The following PRKG1 variants were observed in gnomAD, a reference collection of about 807,000 sequenced individuals.
The protein encoded by PRKG1 is cGMP-dependent protein kinase 1.
PRKG1 carries 35 observed loss-of-function variants against 88.1 expected under a neutral mutation model. The ratio of observed to expected loss-of-function variants is 0.40; its 90% confidence interval spans 0.30 to 0.53. The LOEUF is 0.53. Ranked by LOEUF, PRKG1 falls within the 20% of genes least tolerant of loss-of-function variation. The pLI, the probability that PRKG1 is intolerant of heterozygous loss-of-function variation, is 0.59. For missense variants in PRKG1, 540 were observed against 839.8 expected (o/e 0.64, Z 4.41); for synonymous variants, 303 against 292.5 (o/e 1.04, Z -0.37).
At chr10:52,077,174 G>T (rs1846650014) in intron 7 of PRKG1, among the ~76,000 whole-genome samples, 1 of 152,036 alleles carries the variant, frequency 6.6e-6, no homozygotes, top group Non-Finnish European at 1.5e-5. Flanking sequence ...ATCAATAGAT[G>T]AATAGGTAAA....
At chr10:51,385,422 T>C (rs1837225138) in intron 2 of PRKG1, among the ~76,000 whole-genome samples, 1 of 152,218 alleles carries the variant, frequency 6.6e-6, no homozygotes, top group African/African-American at 2.4e-5. Flanking sequence ...CATTTATCTA[T>C]TTTTTAAATG....
intron 1 of PRKG1, among the ~76,000 whole-genome samples, chr10:51,112,375 T>A (rs1844998942): frequency 6.6e-6 from 1 of 152,112 alleles, no homozygotes; most frequent in African/African-American, 2.4e-5. Context: ...GAATAGTATA[T>A]GCCGCTTTTT....
rs533701100 is a variant in PRKG1 at position 51,797,588 on chromosome 10, ATATC to A, written c.593-6994_593-6991del. Among the ~76,000 whole-genome samples the A allele has an allele frequency of 4.6e-3, 679 of 147,334 alleles. 5 individuals are homozygous for A. The highest frequency in any genetic ancestry group is 0.016 in the African/African-American group (637 of 40,734). On this transcript the variant is annotated intron_variant, in intron 3 of 17. Coordinates refer to ENST00000373980, the MANE Select transcript of PRKG1 (RefSeq NM_006258.4). ...TTATATTATTTTATGTTATATATAAATATCTAATATATAAATATACAAATAAAAT... is the reference window on the plus strand; with the variant it reads ...TTATATTATTTTATGTTATATATAAATAATATATAAATATACAAATAAAAT...
intron 5 of PRKG1, among the ~76,000 whole-genome samples, chr10:52,036,524 G>GGGTAA (rs1006575389): frequency 3.3e-5 from 5 of 152,030 alleles, no homozygotes; most frequent in African/African-American, 1.2e-4. Flanking sequence ...GCGTTGAGTG[G>GGGTAA]GGTAAGGGTG....
At chr10:52,080,726 C>CT (rs993338618) in intron 7 of PRKG1, among the ~76,000 whole-genome samples, 1 of 151,840 alleles carries the variant, frequency 6.6e-6, no homozygotes, top group South Asian at 2.1e-4. Flanking sequence ...TTATTTTCTC[C>CT]TTTTTTTATT....
At chr10:51,150,931 C>T (rs140736274) in intron 1 of PRKG1, among the ~76,000 whole-genome samples, 76 of 151,926 alleles carry the variant, frequency 5.0e-4, no homozygotes, top group Middle Eastern at 3.4e-3. Flanking sequence ...GTTTGGATGG[C>T]GCTAATTATA....
intron 3 of PRKG1, among the ~76,000 whole-genome samples, chr10:51,743,300 G>C (rs1837483098): frequency 6.6e-6 from 1 of 152,074 alleles, no homozygotes; most frequent in East Asian, 1.9e-4. Flanking sequence ...CAGGAACCCA[G>C]ATATGCTTTC....
intron 4 of PRKG1, among the ~76,000 whole-genome samples, chr10:51,831,816 C>T (rs1589331262): frequency 6.6e-6 from 1 of 152,182 alleles, no homozygotes; most frequent in South Asian, 2.1e-4. Context: ...AGAATTTAGT[C>T]ACCTTGTTGC....
In PRKG1 at chr10:51,419,482, TG is replaced by T. The variant is rs201119368; in HGVS notation, c.479-48237del. Reference sequence around the variant, plus strand: ...TATTGACTGACTGCCTGGATGGGATTGGGGCTAATCAATTTTTTCCTGGGAG... The same window carrying T: ...TATTGACTGACTGCCTGGATGGGATTGGGCTAATCAATTTTTTCCTGGGAG... On this transcript the variant is annotated intron_variant, in intron 2 of 17. Transcript: ENST00000373980. 6.7e-3 allele frequency among the ~76,000 whole-genome samples: 1,014 copies of T among 152,292 alleles called. 30 individuals carry two copies. The highest frequency in any genetic ancestry group is 0.034 in the East Asian group (177 of 5,178).
intron 3 of PRKG1, among the ~76,000 whole-genome samples, chr10:51,744,151 A>G (rs1380420745): frequency 1.3e-5 from 2 of 152,118 alleles, no homozygotes; most frequent in African/African-American, 4.8e-5. Flanking sequence ...ACTAACATTT[A>G]TTGATCTTTT....
intron 1 of PRKG1, among the ~76,000 whole-genome samples, chr10:51,042,849 T>G (rs572114637): frequency 6.6e-6 from 1 of 152,262 alleles, no homozygotes; most frequent in South Asian, 2.1e-4. Context: ...GGAATGGGGT[T>G]AATACCCTTA....
At chr10:51,071,924 C>A, upstream of PRKG1, among the ~76,000 whole-genome samples, 1 of 152,144 alleles carries the variant, frequency 6.6e-6, no homozygotes, top group East Asian at 1.9e-4. Context: ...GATGGCTGGG[C>A]ACAGTGGCTA....
At chr10:51,621,205 T>C (rs1839203393) in intron 3 of PRKG1, among the ~76,000 whole-genome samples, 1 of 151,776 alleles carries the variant, frequency 6.6e-6, no homozygotes, top group African/African-American at 2.4e-5. Context: ...ATTCAGCTAT[T>C]ATCAGACTGG....
intron 3 of PRKG1, among the ~76,000 whole-genome samples, chr10:51,482,885 A>T (rs181562357): frequency 6.6e-6 from 1 of 152,170 alleles, no homozygotes; most frequent in Non-Finnish European, 1.5e-5. Context: ...TTCCAGATAA[A>T]ATATGTAATC....
chr10:52,097,963 T>A (rs111925632), intron 7 of PRKG1, among the ~76,000 whole-genome samples: 47 of 152,246 alleles, frequency 3.1e-4, no homozygotes, highest in African/African-American at 9.9e-4. Flanking sequence ...TTATTTTTAT[T>A]TGCTTAGCTA....
chr10:50,997,774 A>C (rs975377483), intron 1 of PRKG1, among the ~76,000 whole-genome samples: 6 of 152,292 alleles, frequency 3.9e-5, no homozygotes, highest in African/African-American at 1.2e-4. Flanking sequence ...ACTGACCTTG[A>C]GTCTAGAGTC....
chr10:51,624,547 C>G (rs1839288209), intron 3 of PRKG1, among the ~76,000 whole-genome samples: 1 of 152,146 alleles, frequency 6.6e-6, no homozygotes, highest in Admixed American at 6.5e-5. Flanking sequence ...TCTTTTAAGT[C>G]TTTTCTTTCT....
chr10:51,919,319 A>G (rs1021600285), intron 5 of PRKG1, among the ~76,000 whole-genome samples: 8 of 152,144 alleles, frequency 5.3e-5, no homozygotes, highest in Admixed American at 5.2e-4. Flanking sequence ...CCAAGGCTTT[A>G]GGGAGATGGC....
chr10:51,945,782 C>A (rs1368885171), intron 5 of PRKG1, among the ~76,000 whole-genome samples: 1 of 151,502 alleles, frequency 6.6e-6, no homozygotes, highest in African/African-American at 2.4e-5. Context: ...TGAATATTGG[C>A]CCCCACTCTC....
Sources: allele counts gnomAD v4.1 joint callset (sites outside exome capture counted in the v4.1 genomes callset), GRCh38; gene constraint gnomAD v4.1.1; transcripts MANE v1.5; gene names NCBI Gene and HGNC (gene_info 2026-07-23, HGNC 2026-07-21).